AKAP7: variants seen among roughly 807,000 people sequenced by gnomAD.
AKAP7 encodes A-kinase anchoring protein 7.
AKAP7 carries 39 observed loss-of-function variants against 39.5 expected under a neutral mutation model. The observed-to-expected ratio is 0.99, with a 90% CI of 0.76 to 1.29. The LOEUF (loss-of-function observed/expected upper bound fraction) is 1.29. Among genes scored for constraint, AKAP7 ranks in the 50% most tolerant of loss-of-function variants. The pLI is 0.00. For synonymous variants in AKAP7, 140 were observed against 139.1 expected (o/e 1.01, Z -0.05); for missense variants, 414 against 407.7 (o/e 1.02, Z -0.13).
chr6:131,214,759 G>A (rs867125037), intron 6 of AKAP7, among the ~76,000 whole-genome samples: 5 of 152,058 alleles, frequency 3.3e-5, no homozygotes, highest in Admixed American at 1.3e-4. Flanking sequence ...AAGTAATTTT[G>A]ACATTGGTTT....
At chr6:131,183,265 A>T (rs1363813747) in intron 5 of AKAP7, among the ~76,000 whole-genome samples, 1 of 152,168 alleles carries the variant, frequency 6.6e-6, no homozygotes, top group South Asian at 2.1e-4. Context: ...TGTCAGTGCC[A>T]CTAAGCAGAA....
At chr6:131,266,430 A>G (rs937036697) in intron 7 of AKAP7, among the ~76,000 whole-genome samples, 2 of 152,222 alleles carry the variant, frequency 1.3e-5, no homozygotes, top group African/African-American at 2.4e-5. Context: ...TCAGTGTACT[A>G]TTACTCAACA....
chr6:131,235,250 T>G (rs1217683832), intron 7 of AKAP7, among the ~76,000 whole-genome samples: 1 of 152,238 alleles, frequency 6.6e-6, no homozygotes, highest in Admixed American at 6.5e-5. Context: ...TCATTTTTTA[T>G]GGCTACATAG....
At chr6:131,172,616 C>T (rs527442889) in intron 5 of AKAP7, among the ~76,000 whole-genome samples, 26 of 152,308 alleles carry the variant, frequency 1.7e-4, no homozygotes, top group Non-Finnish European at 3.1e-4. Context: ...GCATGAGCCA[C>T]TGTGCCCAGC....
At chr6:131,198,828 T>G (rs1157393465) in intron 5 of AKAP7, among the ~76,000 whole-genome samples, 1 of 152,222 alleles carries the variant, frequency 6.6e-6, no homozygotes, top group East Asian at 1.9e-4. Flanking sequence ...ACACATGCAC[T>G]GATCAGGACT....
chr6:131,259,984 G>A (rs569415012), intron 7 of AKAP7, among the ~76,000 whole-genome samples: 2 of 151,864 alleles, frequency 1.3e-5, no homozygotes, highest in Admixed American at 6.6e-5. Flanking sequence ...AGTGTGTGCT[G>A]TTCCCCTCCC....
intron 6 of AKAP7, among the ~76,000 whole-genome samples, chr6:131,217,148 C>T (rs1036729786): frequency 1.3e-5 from 2 of 152,124 alleles, no homozygotes; most frequent in East Asian, 1.9e-4. Context: ...AATGCCACCA[C>T]GCAGCCTTTT....
intron 2 of AKAP7, among the ~76,000 whole-genome samples, chr6:131,155,536 C>G (rs888021202): frequency 1.3e-5 from 2 of 152,142 alleles, no homozygotes; most frequent in Non-Finnish European, 2.9e-5. Context: ...TGGTGATATT[C>G]TAACTATCTT....
intron 1 of AKAP7, among the ~76,000 whole-genome samples, chr6:131,139,775 C>T (rs1230132988): frequency 6.6e-6 from 1 of 152,178 alleles, no homozygotes; most frequent in African/African-American, 2.4e-5. Context: ...TAAGGAACTT[C>T]GACTATGGTG....
intron 7 of AKAP7, among the ~76,000 whole-genome samples, chr6:131,240,035 G>T (rs1215779887): frequency 2.0e-5 from 3 of 152,120 alleles, no homozygotes; most frequent in Non-Finnish European, 2.9e-5. Flanking sequence ...CATCTTTGTG[G>T]TTTTATCTAC....
At chr6:131,279,646 G>A (rs1401205668) in intron 7 of AKAP7, among the ~76,000 whole-genome samples, 1 of 152,190 alleles carries the variant, frequency 6.6e-6, no homozygotes, top group Non-Finnish European at 1.5e-5. Flanking sequence ...AATCACAGAA[G>A]CATGGAACAT....
At chr6:131,242,060 C>G in intron 7 of AKAP7, 2 of 982,058 alleles carry the variant, frequency 2.0e-6, no homozygotes, top group Non-Finnish European at 2.4e-6. Flanking sequence ...GATATTGTAT[C>G]TGACCGTAAT....
intron 7 of AKAP7, among the ~76,000 whole-genome samples, chr6:131,234,834 C>T (rs1810907431): frequency 6.6e-6 from 1 of 151,106 alleles, no homozygotes. Context: ...AAGTTTTGGG[C>T]TACTTGTCAT....
intron 5 of AKAP7, among the ~76,000 whole-genome samples, chr6:131,183,420 G>T (rs1276657703): frequency 6.6e-6 from 1 of 152,136 alleles, no homozygotes; most frequent in Non-Finnish European, 1.5e-5. Context: ...TTCAGGGCAG[G>T]AGGCTGAATG....
At chr6:131,135,806 C>G (rs575904406) in intron 1 of AKAP7, 24 bp downstream of exon 1, 1 of 1,227,022 alleles carries the variant, frequency 8.1e-7, no homozygotes, top group Non-Finnish European at 1.0e-6. Context: ...GTCCAGCGGG[C>G]CGGGGCGGGG....
Position 131,267,936 on chromosome 6 carries a change from A to G in AKAP7, c.851-13594A>G, listed in dbSNP as rs79530774. On this transcript the variant is annotated intron_variant, in intron 7 of 7. Coordinates refer to ENST00000431975, the MANE Select transcript of AKAP7 (RefSeq NM_016377.4). ...CCATGTCAGATTCATTTCTGTATTTATAGCACAATGCTTATCACAAAAGAG... is the reference window on the plus strand; with the variant it reads ...CCATGTCAGATTCATTTCTGTATTTGTAGCACAATGCTTATCACAAAAGAG... 2.4e-3 allele frequency among the ~76,000 whole-genome samples: 364 copies of G among 152,282 alleles called. 12 individuals are homozygous for G. In the East Asian group the frequency reaches 0.062, roughly 26 times the overall value.
intron 7 of AKAP7, among the ~76,000 whole-genome samples, 199 bp downstream of exon 7, chr6:131,220,007 A>G (rs1215177639): frequency 6.6e-6 from 1 of 152,168 alleles, no homozygotes; most frequent in East Asian, 1.9e-4. Flanking sequence ...AGACTTTACT[A>G]CCTGTAGTTT....
At chr6:131,228,907 G>A (rs1389725707) in intron 7 of AKAP7, among the ~76,000 whole-genome samples, 1 of 152,190 alleles carries the variant, frequency 6.6e-6, no homozygotes, top group Non-Finnish European at 1.5e-5. Flanking sequence ...ACGTAAGAAT[G>A]TTCTTGCTGA....
At chr6:131,241,623 G>GTATATATATACGTATATATATATATA (rs1228757342) in intron 7 of AKAP7, among the ~76,000 whole-genome samples, 1 of 68,524 alleles carries the variant, frequency 1.5e-5, no homozygotes, top group Non-Finnish European at 3.5e-5. Context: ...GTGTGTGTGT[G>GTATATATATACGTATATATATATATA]TGTGTATATA....
Sources: gnomAD v4.1 joint callset for allele counts (sites outside exome capture counted in the v4.1 genomes callset) on GRCh38, gnomAD v4.1.1 for gene constraint, MANE v1.5 for transcripts, NCBI Gene and HGNC (gene_info 2026-07-23, HGNC 2026-07-21) for gene names.